Variants in STARD13 observed in about 807,000 individuals in gnomAD.
STARD13 encodes the protein stAR-related lipid transfer protein 13.
STARD13 carries 62 observed loss-of-function variants against 106.4 expected under a neutral mutation model. The ratio of observed to expected loss-of-function variants is 0.58; its 90% CI spans 0.48 to 0.72. The LOEUF is 0.72. STARD13 is among the 30% of genes least tolerant of loss of function. The pLI is 0.00. For synonymous variants in STARD13, 565 were observed against 553.0 expected (o/e 1.02, Z -0.31); for missense variants, 1,387 against 1,424.0 (o/e 0.97, Z 0.42).
At chr13:33,671,235 A>C in the STARD13 span, among the ~76,000 whole-genome samples, 1 of 152,240 alleles carries the variant, frequency 6.6e-6, no homozygotes, top group Non-Finnish European at 1.5e-5. Context: ...AAATAATGCA[A>C]ATGTCCAACA....
intron 1 of STARD13, among the ~76,000 whole-genome samples, chr13:33,220,498 C>G (rs1445961186): frequency 1.3e-5 from 2 of 152,244 alleles, no homozygotes; most frequent in East Asian, 3.9e-4. Flanking sequence ...CGAGACCAGC[C>G]TGGCCAACAT....
intron 1 of STARD13, among the ~76,000 whole-genome samples, chr13:33,182,695 C>T (rs1357695794): frequency 2.0e-5 from 3 of 152,238 alleles, no homozygotes; most frequent in African/African-American, 4.8e-5. Context: ...GGCCTGGGGC[C>T]GTGGGCTGGA....
chr13:33,160,057 T>A (rs1055120853), intron 3 of STARD13, among the ~76,000 whole-genome samples: 3 of 152,128 alleles, frequency 2.0e-5, no homozygotes, highest in Admixed American at 2.0e-4. Context: ...GTTAAAGAAC[T>A]CAGAATATTG....
the STARD13 span, among the ~76,000 whole-genome samples, chr13:33,529,173 A>T: frequency 9.2e-5 from 14 of 152,194 alleles, no homozygotes; most frequent in African/African-American, 3.4e-4. Context: ...GGGACCAAAC[A>T]TAACAGACTA....
At chr13:33,585,810 T>C in the STARD13 span, among the ~76,000 whole-genome samples, 17 of 152,236 alleles carry the variant, frequency 1.1e-4, no homozygotes, top group Non-Finnish European at 2.9e-5. Context: ...TTTGAAGATA[T>C]TATGCTAAGT....
At chr13:33,653,827 A>G in the STARD13 span, among the ~76,000 whole-genome samples, 1 of 152,226 alleles carries the variant, frequency 6.6e-6, no homozygotes, top group Non-Finnish European at 1.5e-5. Flanking sequence ...TTACAACTCT[A>G]CAACAAAGGG....
At chr13:33,427,240 A>C in the STARD13 span, among the ~76,000 whole-genome samples, 5 of 152,210 alleles carry the variant, frequency 3.3e-5, no homozygotes, top group African/African-American at 1.2e-4. Context: ...AAGGCTAGTT[A>C]AGTGACAGGG....
chr13:33,599,002 G>A, the STARD13 span, among the ~76,000 whole-genome samples: 1 of 152,096 alleles, frequency 6.6e-6, no homozygotes, highest in Non-Finnish European at 1.5e-5. Context: ...AAACTTTTGG[G>A]AGTGATATCT....
At chr13:33,499,608 TTCTTCTTCTTCTTCTTCTTCTTC>T in the STARD13 span, among the ~76,000 whole-genome samples, 1 of 71,126 alleles carries the variant, frequency 1.4e-5, no homozygotes, top group African/African-American at 6.6e-5. Flanking sequence ...TTCTTCTTTC[TTCTTCTTCTTCTTCTTCTTCTTC>T]TTCTTCTTCT....
chr13:33,153,740 G>C (rs1881599528), intron 3 of STARD13, among the ~76,000 whole-genome samples: 1 of 152,216 alleles, frequency 6.6e-6, no homozygotes, highest in South Asian at 2.1e-4. Context: ...AGTTTCCTGT[G>C]ATACTTCTAA....
At chr13:33,187,510 T>G (rs1885878038) in intron 1 of STARD13, among the ~76,000 whole-genome samples, 1 of 152,154 alleles carries the variant, frequency 6.6e-6, no homozygotes, top group South Asian at 2.1e-4. Flanking sequence ...AAGAAAGGGC[T>G]TGGAAGGGCA....
the STARD13 span, among the ~76,000 whole-genome samples, chr13:33,632,354 A>G: frequency 5.3e-5 from 8 of 152,294 alleles, no homozygotes; most frequent in East Asian, 1.5e-3. Context: ...TTTATGTAGA[A>G]CCTTGTGAAT....
At chr13:33,339,541 C>T (rs369776077) in intron 1 of STARD13, among the ~76,000 whole-genome samples, 2 of 152,206 alleles carry the variant, frequency 1.3e-5, no homozygotes, top group African/African-American at 4.8e-5. Context: ...ATAGCTTCCA[C>T]CCCTTTCCCA....
chr13:33,468,983 C>T, the STARD13 span, among the ~76,000 whole-genome samples: 1 of 152,090 alleles, frequency 6.6e-6, no homozygotes, highest in South Asian at 2.1e-4. Context: ...GAATATTGCA[C>T]AAAAGTGAGC....
rs551015246 is a variant in STARD13, at chr13:33,184,721, C to T, written c.170-17099G>A. 2.0e-5 allele frequency among the ~76,000 whole-genome samples: 3 copies of T among 152,324 alleles called. No homozygotes were observed. In the East Asian group the frequency reaches 5.8e-4, roughly 29 times the overall value. On this transcript the variant is annotated intron_variant, in intron 1 of 13. Coordinates refer to ENST00000336934, the MANE Select transcript of STARD13 (RefSeq NM_178006.4). Reference sequence around the variant, plus strand: ...ACTGCTGCAATCCTGGTCTCTGTCACAGGGATTTGAACTTGACGTTATGTT... The same window carrying T: ...ACTGCTGCAATCCTGGTCTCTGTCATAGGGATTTGAACTTGACGTTATGTT...
chr13:33,126,262 TC>T, intron 6 of STARD13, 22 bp from the exon 7 acceptor site: 1 of 1,611,802 alleles, frequency 6.2e-7, no homozygotes, highest in Non-Finnish European at 8.5e-7. Context: ...AGAAACCAGG[TC>T]ATGCAAGCCT....
chr13:33,577,999 C>T, the STARD13 span, among the ~76,000 whole-genome samples: 2 of 151,992 alleles, frequency 1.3e-5, no homozygotes, highest in Non-Finnish European at 2.9e-5. Context: ...AAATAAATCA[C>T]AGATGACACA....
At chr13:33,109,106 C>T (rs1307046110) in intron 12 of STARD13, among the ~76,000 whole-genome samples, 1 of 152,098 alleles carries the variant, frequency 6.6e-6, no homozygotes, top group East Asian at 1.9e-4. Context: ...CAATAGGTTC[C>T]TTTTACACTG....
chr13:33,351,067 A>G (rs974624400), upstream of STARD13, among the ~76,000 whole-genome samples: 3 of 152,206 alleles, frequency 2.0e-5, no homozygotes, highest in East Asian at 1.9e-4. Flanking sequence ...TTGATGTTCA[A>G]TATTGGTGAT....
Sources: allele counts gnomAD v4.1 joint callset (sites outside exome capture counted in the v4.1 genomes callset), GRCh38; gene constraint gnomAD v4.1.1; transcripts MANE v1.5; gene names NCBI Gene and HGNC (gene_info 2026-07-23, HGNC 2026-07-21).